Variants in NEGR1 observed in about 807,000 individuals in gnomAD.
NEGR1 encodes IgLON family member 4.
In NEGR1, 10 loss-of-function variants were observed where a neutral mutation model predicts 40.9. That is an observed-to-expected ratio of 0.24 (90% CI 0.15 to 0.42). The LOEUF is 0.42. NEGR1 is among the 10% of genes least tolerant of loss of function. The pLI, the probability that NEGR1 is intolerant of heterozygous loss-of-function variation, is 1.00. For synonymous variants in NEGR1, 185 were observed against 166.8 expected (o/e 1.11, Z -0.84); for missense variants, 352 against 438.9 (o/e 0.80, Z 1.77).
intron 6 of NEGR1, among the ~76,000 whole-genome samples, chr1:71,420,436 T>C (rs1646386831): frequency 1.3e-5 from 2 of 151,946 alleles, no homozygotes; most frequent in Admixed American, 1.3e-4. Context: ...CACTCATACA[T>C]ACACAAAGAT....
chr1:72,113,409 C>A (rs1450485425), intron 1 of NEGR1, among the ~76,000 whole-genome samples: 1 of 149,258 alleles, frequency 6.7e-6, no homozygotes, highest in Non-Finnish European at 1.5e-5. Context: ...TGGAGAATGG[C>A]AGTTAGAAGT....
At chr1:72,070,346 A>G (rs1289889295) in intron 1 of NEGR1, among the ~76,000 whole-genome samples, 3 of 151,914 alleles carry the variant, frequency 2.0e-5, no homozygotes, top group African/African-American at 7.2e-5. Flanking sequence ...GCTTTCTTGT[A>G]CTTGTTCTCT....
At chr1:72,041,350 G>A (rs1325244078) in intron 1 of NEGR1, among the ~76,000 whole-genome samples, 3 of 150,492 alleles carry the variant, frequency 2.0e-5, no homozygotes, top group Non-Finnish European at 4.4e-5. Flanking sequence ...TGGTATTTTG[G>A]TGTCTTTATT....
chr1:71,712,478 A>G (rs527443998), intron 3 of NEGR1, among the ~76,000 whole-genome samples: 2 of 152,282 alleles, frequency 1.3e-5, no homozygotes, highest in South Asian at 4.1e-4. Context: ...TTAACATCCT[A>G]TTATATTAGC....
chr1:71,874,507 T>G (rs1660369534), intron 2 of NEGR1, among the ~76,000 whole-genome samples: 2 of 152,152 alleles, frequency 1.3e-5, no homozygotes, highest in African/African-American at 4.8e-5. Flanking sequence ...AGCCATTCAT[T>G]CTCATACCTA....
At chr1:71,527,862 A>G (rs1443143004) in intron 6 of NEGR1, among the ~76,000 whole-genome samples, 1 of 151,478 alleles carries the variant, frequency 6.6e-6, no homozygotes, top group Non-Finnish European at 1.5e-5. Context: ...ATAAATCACA[A>G]GAGAGTGAAT....
chr1:71,418,383 G>A (rs557959782), intron 6 of NEGR1, among the ~76,000 whole-genome samples: 13 of 151,128 alleles, frequency 8.6e-5, no homozygotes, highest in African/African-American at 2.7e-4. Flanking sequence ...GGGCAATCTC[G>A]GCTCACTGCA....
At chr1:71,660,336 G>A (rs536596270) in intron 4 of NEGR1, among the ~76,000 whole-genome samples, 23 of 152,088 alleles carry the variant, frequency 1.5e-4, no homozygotes, top group Admixed American at 7.9e-4. Flanking sequence ...AGAGGGGAGG[G>A]TGAGAGAAGG....
At chr1:71,666,248 T>C (rs1490025514) in intron 4 of NEGR1, among the ~76,000 whole-genome samples, 1 of 152,218 alleles carries the variant, frequency 6.6e-6, no homozygotes, top group Non-Finnish European at 1.5e-5. Context: ...CGAAAATAGT[T>C]AAAATGCTTT....
intron 2 of NEGR1, among the ~76,000 whole-genome samples, chr1:71,812,126 T>A (rs1446228578): frequency 6.6e-6 from 1 of 151,952 alleles, no homozygotes; most frequent in East Asian, 1.9e-4. Flanking sequence ...CAGCTCCCAT[T>A]TATAACTGAG....
intron 3 of NEGR1, among the ~76,000 whole-genome samples, chr1:71,717,687 C>T (rs1654323866): frequency 6.6e-6 from 1 of 152,142 alleles, no homozygotes; most frequent in Admixed American, 6.5e-5. Flanking sequence ...TTGTGTACCC[C>T]TGAAATTCAT....
chr1:72,154,015 A>T (rs886173328), intron 1 of NEGR1, among the ~76,000 whole-genome samples: 2 of 151,924 alleles, frequency 1.3e-5, no homozygotes, highest in African/African-American at 4.8e-5. Flanking sequence ...TTATAAAAAA[A>T]TTGACAAATA....
intron 4 of NEGR1, among the ~76,000 whole-genome samples, chr1:71,654,606 A>T (rs1570156847): frequency 1.3e-5 from 2 of 152,102 alleles, no homozygotes; most frequent in South Asian, 4.1e-4. Context: ...AATATTCTGT[A>T]CCCTGAACAT....
chr1:72,161,734 C>T (rs1446577225), intron 1 of NEGR1, among the ~76,000 whole-genome samples: 2 of 125,218 alleles, frequency 1.6e-5, no homozygotes, highest in African/African-American at 3.2e-5. Context: ...GGCTGGTGTG[C>T]AGTGGCAGAT....
intron 1 of NEGR1, among the ~76,000 whole-genome samples, chr1:72,257,253 C>T (rs962464589): frequency 1.5e-5 from 2 of 135,006 alleles, no homozygotes; most frequent in Non-Finnish European, 3.1e-5. Flanking sequence ...ACCCGGGAGG[C>T]GGAGCTTGCA....
chr1:71,776,374 T>C (rs917773716), intron 2 of NEGR1, 77 bp from the exon 3 acceptor site: 29 of 863,266 alleles, frequency 3.4e-5, no homozygotes, highest in Admixed American at 5.8e-5. Context: ...AATTCCATAA[T>C]ATCATGCAAG....
intron 1 of NEGR1, among the ~76,000 whole-genome samples, chr1:72,198,357 A>G (rs1653073534): frequency 6.6e-6 from 1 of 151,952 alleles, no homozygotes; most frequent in Non-Finnish European, 1.5e-5. Context: ...TGGGAACTGA[A>G]AAGACTTAAG....
At chr1:71,470,091 C>A (rs781671444) in intron 6 of NEGR1, among the ~76,000 whole-genome samples, 2 of 151,988 alleles carry the variant, frequency 1.3e-5, no homozygotes, top group Non-Finnish European at 2.9e-5. Context: ...TATCTTTTTT[C>A]CAACCAAGGT....
intron 3 of NEGR1, among the ~76,000 whole-genome samples, chr1:71,718,084 A>T (rs1413983417): frequency 6.6e-6 from 1 of 152,186 alleles, no homozygotes; most frequent in African/African-American, 2.4e-5. Context: ...TACAAATGTC[A>T]TATGAAAAAA....
Sources: gnomAD v4.1 joint callset for allele counts (sites outside exome capture counted in the v4.1 genomes callset) on GRCh38, gnomAD v4.1.1 for gene constraint, MANE v1.5 for transcripts, NCBI Gene and HGNC (gene_info 2026-07-23, HGNC 2026-07-21) for gene names.